Variants in ABR observed in about 807,000 individuals in gnomAD.
ABR encodes the protein active breakpoint cluster region-related protein.
Under a neutral mutation model 107.2 loss-of-function variants are expected in ABR, and 35 were observed. The observed-to-expected ratio is 0.33, with a 90% CI of 0.25 to 0.43. The LOEUF is 0.43. ABR is among the 20% of genes least tolerant of loss of function. The pLI, the probability that ABR is intolerant of heterozygous loss-of-function variation, is 1.00. For synonymous variants in ABR, 498 were observed against 462.0 expected, an observed-to-expected ratio of 1.08 and a Z score of -1.00; for missense variants, 815 against 1,115.2, an observed-to-expected ratio of 0.73 and a Z score of 3.83.
At position 1,203,284 on chromosome 17, in the gene ABR, T is replaced by C. The variant is rs1598119140; in HGVS notation, c.838+25509A>G. ...CGGATCCAGCCAGGCTCCCGCGCAG[T>C]CCTCAGGGGGCGTGGCCCGGCTCGT... On this transcript the variant is annotated intron_variant, in intron 1 of 22. Coordinates refer to the ABR transcript ENST00000574139. Among the ~76,000 whole-genome samples, 4 of 138,846 alleles carry C rather than the reference T, an allele frequency of 2.9e-5. No individual in the cohort carries two copies. In the Admixed American group the frequency reaches 3.0e-4, roughly 10 times the overall value. The allele number at this position is 138,846 out of a possible 152,430, so 91.1% of individuals were successfully genotyped here.
Position 1,009,684 on chromosome 17 carries a change from C to T in ABR, c.2337G>A (p.Leu779=), listed in dbSNP as rs1567558368. The part of the protein sequence containing the change: ...LITFLFLLEH[L]KRVAEKEPIN... ...TTGGGGCCGCTCCCCGTTACCTTTT[C>T]AAGTGTTCCAGCAGGAAGAGGAAGG... Residue 779 remains leucine, a synonymous_variant, in exon 21 of 23, where the codon TTG becomes TTA. Transcript: ENST00000302538. 1 of 1,613,278 alleles carries T rather than the reference C, an allele frequency of 6.2e-7. No individual in the cohort carries two copies. Among genetic ancestry groups the T allele is most frequent in the Non-Finnish European group, 8.5e-7 (1 of 1,179,338 alleles).
At chr17:1,093,732 CCCAGCCTCACT>C (rs1198326512) in intron 3 of ABR, among the ~76,000 whole-genome samples, 2 of 152,210 alleles carry the variant, frequency 1.3e-5, no homozygotes, top group Non-Finnish European at 2.9e-5. Flanking sequence ...AAACTCCCAG[CCCAGCCTCACT>C]CCAGCCTCAC....
rs753710174 is a variant in ABR, at chr17:1,050,088, CATT to C, written c.1750_1752del (p.Asn584del). 4.3e-6 allele frequency: 7 copies of C among 1,614,062 alleles called. No individual in the cohort carries two copies. Among genetic ancestry groups the C allele is most frequent in the Non-Finnish European group, 4.2e-6 (5 of 1,180,024 alleles). On this transcript the variant is annotated inframe_deletion, in exon 16 of 23. Coordinates refer to ENST00000302538, the MANE Select transcript of ABR (RefSeq NM_021962.5). This position sits in a 1 kb window ranked among gnomAD's most constrained non-coding sequence, Gnocchi z 4.6. ...TTGCCCATGATCTTGTCCACGATCT[CATT>C]GTTGTCCTTGTTGACCTTGGTCTTG...
chr17:1,011,867 G>A lies in ABR; in HGVS notation c.2080C>T (p.Leu694Phe). ...TCACTGGCATCGAAGACGGCCTTGAGCGCCTGGATGTCCGTGGCCACGCCC... is the reference window on the plus strand; with the variant it reads ...TCACTGGCATCGAAGACGGCCTTGAACGCCTGGATGTCCGTGGCCACGCCC... Reference protein sequence around the residue: ...ISGVATDIQALKAVFDANNKD... With the variant: ...ISGVATDIQAFKAVFDANNKD... Residue 694 changes from leucine to phenylalanine, a missense_variant, in exon 19 of 23, where the codon CTC (leucine) becomes TTC (phenylalanine). Leu to Phe is a conservative substitution (Grantham distance 22). Coordinates refer to ENST00000302538, the MANE Select transcript of ABR (RefSeq NM_021962.5). This position sits in a 1 kb window ranked among gnomAD's most constrained non-coding sequence, Gnocchi z 4.8. 1.3e-6 allele frequency: 2 copies of A among 1,592,026 alleles called. No individual in the cohort carries two copies. The highest frequency in any genetic ancestry group is 1.7e-4 in the Middle Eastern group (1 of 5,976).
chr17:1,184,743 G>C (rs1404637978), upstream of ABR, among the ~76,000 whole-genome samples: 1 of 151,022 alleles, frequency 6.6e-6, no homozygotes, highest in African/African-American at 2.4e-5. Flanking sequence ...GCTCACTGCA[G>C]CCTTGAACTC....
intron 1 of ABR, among the ~76,000 whole-genome samples, chr17:1,130,105 C>T (rs1375102104): frequency 1.3e-5 from 2 of 152,156 alleles, no homozygotes; most frequent in Non-Finnish European, 2.9e-5. Flanking sequence ...ATTCTTTCAA[C>T]TTTTCTGTGT....
chr17:1,142,916 C>A (rs930033571), intron 1 of ABR, among the ~76,000 whole-genome samples: 4 of 152,182 alleles, frequency 2.6e-5, no homozygotes, highest in African/African-American at 7.2e-5. Context: ...AAAGCGGCAA[C>A]TGGAGGCCGG....
At chr17:1,121,853 G>A (rs1353293344) in intron 2 of ABR, among the ~76,000 whole-genome samples, 1 of 152,192 alleles carries the variant, frequency 6.6e-6, no homozygotes, top group African/African-American at 2.4e-5. Flanking sequence ...AGGAGACTGA[G>A]GCTCAGCGGT....
chr17:1,034,874 A>AG (rs1411865113), intron 16 of ABR, among the ~76,000 whole-genome samples: 1 of 152,068 alleles, frequency 6.6e-6, no homozygotes, highest in African/African-American at 2.4e-5. Context: ...GTGGGGGAGA[A>AG]GGGGGCCGTG....
At chr17:1,043,970 C>G (rs1368784809) in intron 16 of ABR, among the ~76,000 whole-genome samples, 7 of 152,246 alleles carry the variant, frequency 4.6e-5, no homozygotes, top group Non-Finnish European at 8.8e-5. Context: ...AGGCCCTTCT[C>G]CAGTCTGGGG....
intron 16 of ABR, among the ~76,000 whole-genome samples, chr17:1,023,963 T>C (rs56245582): frequency 1.7e-3 from 240 of 141,162 alleles, no homozygotes; most frequent in African/African-American, 6.3e-3. Flanking sequence ...AGGCGGAGGT[T>C]GCGGTGAGCC....
chr17:1,059,617 A>G (rs2033701932), intron 10 of ABR, among the ~76,000 whole-genome samples: 1 of 152,134 alleles, frequency 6.6e-6, no homozygotes, highest in African/African-American at 2.4e-5. Flanking sequence ...CCGTCGGCTC[A>G]GCCTCCCCCT....
chr17:1,058,067 A>C (rs777168662), intron 11 of ABR, 22 bp from the exon 12 acceptor site: 4 of 1,597,932 alleles, frequency 2.5e-6, no homozygotes, highest in Non-Finnish European at 2.6e-6. Flanking sequence ...AGATAAGCAT[A>C]AAGTGGGTGA....
upstream of ABR, among the ~76,000 whole-genome samples, chr17:1,191,126 T>C (rs2042422208): frequency 6.6e-6 from 1 of 152,152 alleles, no homozygotes; most frequent in Non-Finnish European, 1.5e-5. Context: ...GAGAGGCTCC[T>C]TTCCATGTTC....
At chr17:1,141,331 T>A (rs1257646942) in intron 1 of ABR, among the ~76,000 whole-genome samples, 2 of 152,138 alleles carry the variant, frequency 1.3e-5, no homozygotes, top group Non-Finnish European at 2.9e-5. Context: ...GACAGCTCAG[T>A]GGTCAAGGGC....
At chr17:1,015,265 A>G (rs1381226663) in intron 16 of ABR, among the ~76,000 whole-genome samples, 1 of 151,556 alleles carries the variant, frequency 6.6e-6, no homozygotes, top group African/African-American at 2.4e-5. Context: ...AAAAATACAA[A>G]AGTGAGCCGG....
chr17:1,226,951 C>A (rs1440137114), intron 1 of ABR, among the ~76,000 whole-genome samples: 1 of 152,092 alleles, frequency 6.6e-6, no homozygotes, highest in Non-Finnish European at 1.5e-5. Context: ...GAGACAGAGG[C>A]AGAACCCGAA....
chr17:1,123,276 G>A (rs1420930543), intron 2 of ABR, among the ~76,000 whole-genome samples: 1 of 152,148 alleles, frequency 6.6e-6, no homozygotes, highest in Non-Finnish European at 1.5e-5. Context: ...GTGGCTTCTA[G>A]TCGATGGTGT....
chr17:1,167,647 C>G (rs2041564699), intron 1 of ABR, among the ~76,000 whole-genome samples: 1 of 152,176 alleles, frequency 6.6e-6, no homozygotes, highest in Non-Finnish European at 1.5e-5. Context: ...TCTGGGAAGT[C>G]TTGGGGAAGC....
Sources: gnomAD v4.1 joint callset for allele counts (sites outside exome capture counted in the v4.1 genomes callset) on GRCh38, gnomAD v4.1.1 for gene constraint, Gnocchi (gnomAD v3.1) non-coding constraint, MANE v1.5 for transcripts, NCBI Gene and HGNC (gene_info 2026-07-23, HGNC 2026-07-21) for gene names.